Variants in ANO3 observed in about 807,000 individuals in gnomAD.
ANO3 encodes anoctamin-3.
Under a neutral mutation model 144.8 loss-of-function variants are expected in ANO3, and 99 were observed. The observed-to-expected ratio is 0.68, with a 90% CI of 0.58 to 0.81. The LOEUF (loss-of-function observed/expected upper bound fraction) is 0.81. Among genes scored for constraint, ANO3 ranks in the 30% least tolerant of loss-of-function variants. The pLI, the probability that ANO3 is intolerant of heterozygous loss-of-function variation, is 0.00. For missense variants in ANO3, 905 were observed against 1,202.2 expected (o/e 0.75, Z 3.66); for synonymous variants, 414 against 392.6 (o/e 1.05, Z -0.64).
chr11:26,283,058 A>G (rs1348468129), intron 1 of ANO3, among the ~76,000 whole-genome samples: 3 of 151,318 alleles, frequency 2.0e-5, no homozygotes, highest in Admixed American at 2.0e-4. Context: ...TGCTTCATCT[A>G]AAATGGTTGA....
At chr11:26,610,868 A>G (rs895508756) in intron 17 of ANO3, among the ~76,000 whole-genome samples, 6 of 152,030 alleles carry the variant, frequency 3.9e-5, no homozygotes, top group African/African-American at 1.4e-4. Context: ...AATCTTGGTA[A>G]CTTGTATTTG....
At chr11:26,270,591 A>G (rs1043264013) in intron 1 of ANO3, among the ~76,000 whole-genome samples, 2 of 152,232 alleles carry the variant, frequency 1.3e-5, no homozygotes, top group African/African-American at 4.8e-5. Context: ...TCAAAGCACC[A>G]GGAAATAGGA....
chr11:26,365,954 TTATATATATATATATATATA>T (rs1158168765), intron 1 of ANO3, among the ~76,000 whole-genome samples: 16 of 54,394 alleles, frequency 2.9e-4, no homozygotes, highest in African/African-American at 3.4e-4. Flanking sequence ...CATTTTTTCT[TTATATATATATATATATATA>T]TATATATATA....
chr11:26,558,744 G>A (rs1313114954), intron 13 of ANO3, among the ~76,000 whole-genome samples: 1 of 152,072 alleles, frequency 6.6e-6, no homozygotes, highest in Non-Finnish European at 1.5e-5. Context: ...TGTTCCAGAT[G>A]TTACAACTGA....
chr11:26,234,108 A>AAAAAC (rs1170208820), intron 1 of ANO3, among the ~76,000 whole-genome samples: 4 of 152,196 alleles, frequency 2.6e-5, no homozygotes, highest in African/African-American at 7.2e-5. Context: ...ACTTAAAATA[A>AAAAAC]AAAACAAAAC....
chr11:26,426,238 G>A (rs548624477), intron 1 of ANO3, among the ~76,000 whole-genome samples: 28 of 152,202 alleles, frequency 1.8e-4, no homozygotes, highest in African/African-American at 6.3e-4. Context: ...CTCACATGCT[G>A]GAAAATGAAA....
intron 1 of ANO3, among the ~76,000 whole-genome samples, chr11:26,202,778 A>T (rs1024208980): frequency 6.6e-6 from 1 of 152,062 alleles, no homozygotes; most frequent in Non-Finnish European, 1.5e-5. Flanking sequence ...AGAAATAGTC[A>T]ATCATTCCTC....
At chr11:26,210,203 T>C (rs1203726626) in intron 1 of ANO3, among the ~76,000 whole-genome samples, 1 of 152,218 alleles carries the variant, frequency 6.6e-6, no homozygotes, top group African/African-American at 2.4e-5. Context: ...TCTCTGCATA[T>C]GGCTAGCCAG....
At chr11:26,607,762 G>C (rs1286336371) in intron 17 of ANO3, among the ~76,000 whole-genome samples, 1 of 152,190 alleles carries the variant, frequency 6.6e-6, no homozygotes, top group African/African-American at 2.4e-5. Flanking sequence ...TGAAGTTCTT[G>C]TGTTGTGTGT....
At chr11:26,242,755 G>A (rs1003850689) in intron 1 of ANO3, among the ~76,000 whole-genome samples, 5 of 152,130 alleles carry the variant, frequency 3.3e-5, no homozygotes, top group Non-Finnish European at 7.4e-5. Flanking sequence ...TCCCGAAAGT[G>A]TGCATTAAAT....
intron 3 of ANO3, among the ~76,000 whole-genome samples, chr11:26,455,041 T>G (rs1047865675): frequency 2.0e-4 from 30 of 151,412 alleles, no homozygotes; most frequent in African/African-American, 6.5e-4. Context: ...TGCTAAAAAC[T>G]CTCAATAAAT....
chr11:26,387,130 A>ATTT (rs372622053), intron 1 of ANO3, among the ~76,000 whole-genome samples: 12,088 of 127,390 alleles, frequency 0.095, 762 homozygotes, highest in Admixed American at 0.13. Flanking sequence ...CAAATGTAGT[A>ATTT]TTTTTTTTTT....
At position 26,661,538 on chromosome 11, in the gene ANO3, A is replaced by G. The variant is rs1853877808; in HGVS notation, c.*1094A>G. 1 of 152,566 alleles carries G rather than the reference A, an allele frequency of 6.6e-6. No individual in the cohort carries two copies. Among genetic ancestry groups the G allele is most frequent in the Admixed American group, 6.6e-5 (1 of 15,240 alleles). The allele number at this position is 152,566 out of a possible 1,614,324, so 9.5% of individuals were successfully genotyped here. On this transcript the variant is annotated 3_prime_UTR_variant, in exon 27 of 27. Transcript: ENST00000256737. ...ACTCATGAACTAATGAAAATAATGC[A>G]TGAATATAAATCTATATTATTTGCT...
chr11:26,569,252 A>C (rs974410488), intron 14 of ANO3, among the ~76,000 whole-genome samples: 1 of 152,162 alleles, frequency 6.6e-6, no homozygotes, highest in African/African-American at 2.4e-5. Context: ...AAACGTGCGA[A>C]GCACTCTGTT....
intron 26 of ANO3, among the ~76,000 whole-genome samples, chr11:26,659,178 CATTTAATACTTATGCCA>C (rs1303561724): frequency 1.9e-5 from 2 of 106,946 alleles, no homozygotes; most frequent in African/African-American, 5.6e-5. Context: ...TATATATATT[CATTTAATACTTATGCCA>C]ACCTTTAAGA....
rs538712709 is a variant in ANO3, at chr11:26,447,268, T to C, written c.313+3432T>C. On this transcript the variant is annotated intron_variant, in intron 3 of 26. Coordinates refer to ENST00000256737, the MANE Select transcript of ANO3 (RefSeq NM_031418.4). ...CTTTTATGGCATAATGATGGCACGATGGATAAACAATAATTTACTGGACTC... is the reference window on the plus strand; with the variant it reads ...CTTTTATGGCATAATGATGGCACGACGGATAAACAATAATTTACTGGACTC... Among the ~76,000 whole-genome samples, 38 of 148,134 alleles carry C rather than the reference T, an allele frequency of 2.6e-4. 2 individuals carry two copies. In the South Asian group the frequency reaches 7.9e-3, roughly 31 times the overall value.
intron 1 of ANO3, among the ~76,000 whole-genome samples, chr11:26,245,255 G>C (rs576433990): frequency 1.3e-5 from 2 of 152,254 alleles, no homozygotes; most frequent in East Asian, 3.9e-4. Context: ...GAATTTGAAA[G>C]TGATGTCCAC....
intron 12 of ANO3, among the ~76,000 whole-genome samples, chr11:26,551,659 T>C (rs1416421706): frequency 6.6e-6 from 1 of 152,028 alleles, no homozygotes; most frequent in Non-Finnish European, 1.5e-5. Flanking sequence ...TAGTATAAGA[T>C]TCTAAAGCAG....
At chr11:26,491,930 A>G (rs1474968480) in intron 4 of ANO3, among the ~76,000 whole-genome samples, 1 of 152,230 alleles carries the variant, frequency 6.6e-6, no homozygotes, top group East Asian at 1.9e-4. Flanking sequence ...ATGCTAAGGA[A>G]ACTTAATTTG....
Sources: gnomAD v4.1 joint callset for allele counts (sites outside exome capture counted in the v4.1 genomes callset) on GRCh38, gnomAD v4.1.1 for gene constraint, MANE v1.5 for transcripts, NCBI Gene and HGNC (gene_info 2026-07-23, HGNC 2026-07-21) for gene names.